Variants in FGD5 observed in about 807,000 individuals in gnomAD.
FGD5 encodes FYVE, RhoGEF and PH domain-containing protein 5.
Under a neutral mutation model 133.4 loss-of-function variants are expected in FGD5, and 28 were observed. The observed-to-expected ratio is 0.21, with a 90% CI of 0.16 to 0.29. The LOEUF (loss-of-function observed/expected upper bound fraction) is 0.29, where lower values mean the gene tolerates loss of function less well. FGD5 is among the 10% of genes least tolerant of loss of function. The pLI, the probability that FGD5 is intolerant of heterozygous loss-of-function variation, is 1.00. For missense variants in FGD5, 1,858 were observed against 1,895.2 expected (o/e 0.98, Z 0.36); for synonymous variants, 810 against 776.5 (o/e 1.04, Z -0.72).
chr3:14,827,194 G>T (rs1575190864), intron 1 of FGD5, among the ~76,000 whole-genome samples: 1 of 151,724 alleles, frequency 6.6e-6, no homozygotes, highest in Non-Finnish European at 1.5e-5. Context: ...ACCAAGGTCA[G>T]AACCCAAGTC....
chr3:14,872,373 A>T (rs902048131), intron 2 of FGD5, among the ~76,000 whole-genome samples: 8 of 152,322 alleles, frequency 5.3e-5, no homozygotes, highest in Admixed American at 1.3e-4. Context: ...TTTGGAGAAG[A>T]GACTTTATTT....
chr3:14,905,293 C>T (rs1254465955), intron 9 of FGD5, among the ~76,000 whole-genome samples: 1 of 152,022 alleles, frequency 6.6e-6, no homozygotes, highest in Non-Finnish European at 1.5e-5. Context: ...TCTCTGGCTG[C>T]CTTTAAGATC....
rs757632360 is a variant in FGD5 at position 14,820,660 on chromosome 3, C to T, written c.1589C>T (p.Pro530Leu). 4 of 1,599,156 alleles carry T rather than the reference C, an allele frequency of 2.5e-6. No individual in the cohort carries two copies. In the Admixed American group the frequency reaches 5.2e-5, roughly 21 times the overall value. ...ACGCTTTTGTCATTGGAGGGGAAGC[C>T]CTTGGAAGCCAGCAGGGCCTTGCCA... ...GKTLLSLEGKPLEASRALPAK... is the reference protein window; with the variant it reads ...GKTLLSLEGKLLEASRALPAK... Residue 530 changes from proline to leucine, a missense_variant, in exon 1 of 20, where the codon CCC (proline) becomes CTC (leucine). Pro to Leu is a moderately conservative substitution (Grantham distance 98). Transcript: ENST00000285046.
intron 4 of FGD5, among the ~76,000 whole-genome samples, chr3:14,886,772 T>C (rs1172093023): frequency 2.6e-5 from 4 of 152,268 alleles, no homozygotes; most frequent in Non-Finnish European, 5.9e-5. Flanking sequence ...TGTGATTTCT[T>C]CTTTGACCCA....
chr3:14,933,102 C>T (rs1250279140), intron 19 of FGD5, 29 bp from the exon 20 acceptor site: 1 of 1,611,070 alleles, frequency 6.2e-7, no homozygotes, highest in South Asian at 1.1e-5. Context: ...AGCCGCAAAA[C>T]CAAATGTCCT....
chr3:14,880,558 C>A lies in FGD5; in HGVS notation c.2659-14C>A. 1.2e-6 allele frequency: 2 copies of A among 1,613,124 alleles called. No individual in the cohort carries two copies. Reference sequence around the variant, plus strand: ...GATGCCTGTCCCACCTGATTGCTCTCTTTCCTCCCACAGGTGGAAGGACAG... The same window carrying A: ...GATGCCTGTCCCACCTGATTGCTCTATTTCCTCCCACAGGTGGAAGGACAG... On this transcript the variant is annotated splice_polypyrimidine_tract_variant and intron_variant, in intron 2 of 19. Transcript: ENST00000285046.
At chr3:14,881,250 A>C (rs2037819827) in intron 4 of FGD5, among the ~76,000 whole-genome samples, 1 of 151,974 alleles carries the variant, frequency 6.6e-6, no homozygotes, top group Non-Finnish European at 1.5e-5. Flanking sequence ...GCTGGTGGTG[A>C]GGGGCTCCTT....
At chr3:14,918,928 G>T (rs1406782516) in intron 13 of FGD5, 95 bp downstream of exon 13, 4 of 1,351,146 alleles carry the variant, frequency 3.0e-6, no homozygotes, top group South Asian at 2.4e-5. Flanking sequence ...TTTTATTTTG[G>T]TATCCTTCTG....
intron 16 of FGD5, 160 bp downstream of exon 16, chr3:14,923,335 C>A: frequency 1.0e-6 from 1 of 987,506 alleles, no homozygotes; most frequent in Non-Finnish European, 1.4e-6. Context: ...GCACCATTTT[C>A]CAATATGTGG....
chr3:14,857,610 T>A (rs1005525556), intron 1 of FGD5, among the ~76,000 whole-genome samples: 3 of 152,294 alleles, frequency 2.0e-5, no homozygotes, highest in Middle Eastern at 3.4e-3. Context: ...GAAACAGATA[T>A]GAAGTTGCCT....
At chr3:14,919,498 G>A (rs575718532) in intron 13 of FGD5, among the ~76,000 whole-genome samples, 25 of 152,266 alleles carry the variant, frequency 1.6e-4, no homozygotes, top group Admixed American at 7.9e-4. Flanking sequence ...GGCACCTGTA[G>A]TCGCAGCTAC....
rs372001341 is a variant in FGD5, at chr3:14,867,616, C to T, written c.2658+3356C>T. 3.2e-4 allele frequency among the ~76,000 whole-genome samples: 49 copies of T among 152,132 alleles called. No individual in the cohort carries two copies. In the East Asian group the frequency reaches 9.3e-3, roughly 29 times the overall value. On this transcript the variant is annotated intron_variant, in intron 2 of 19. Coordinates refer to ENST00000285046, the MANE Select transcript of FGD5 (RefSeq NM_152536.4). ...CTGGCCACCCTTGGTGCCCAGAGCT[C>T]CCCAACCACGGAACCACTGTGGAGA...
chr3:14,848,247 C>T (rs1452690883), intron 1 of FGD5, among the ~76,000 whole-genome samples: 2 of 152,134 alleles, frequency 1.3e-5, no homozygotes, highest in African/African-American at 4.8e-5. Flanking sequence ...AGTCCCACTT[C>T]CTGGGCAGCC....
intron 11 of FGD5, among the ~76,000 whole-genome samples, chr3:14,912,981 A>G (rs2038480009): frequency 6.6e-6 from 1 of 152,234 alleles, no homozygotes; most frequent in African/African-American, 2.4e-5. Flanking sequence ...GGTTGCAGTG[A>G]GCTCAGATTG....
chr3:14,874,082 T>C (rs2037668833), intron 2 of FGD5, among the ~76,000 whole-genome samples: 1 of 147,642 alleles, frequency 6.8e-6, no homozygotes, highest in African/African-American at 2.5e-5. Context: ...GGTCTGTGTA[T>C]ACAATGGAAT....
At chr3:14,902,359 A>G (rs1240144350) in intron 9 of FGD5, among the ~76,000 whole-genome samples, 1 of 150,348 alleles carries the variant, frequency 6.7e-6, no homozygotes, top group East Asian at 1.9e-4. Context: ...AGGCAGAGAG[A>G]GAAAAGGGGT....
Position 14,832,155 on chromosome 3 carries a change from C to T in FGD5, c.2525+10559C>T, listed in dbSNP as rs144880252. Among the ~76,000 whole-genome samples, 73 of 152,228 alleles carry T rather than the reference C, an allele frequency of 4.8e-4. No homozygotes were observed. In the Middle Eastern group the frequency reaches 0.01, roughly 21 times the overall value. On this transcript the variant is annotated intron_variant, in intron 1 of 19. Coordinates refer to ENST00000285046, the MANE Select transcript of FGD5 (RefSeq NM_152536.4). ...CGACGGTCTCTTCATCACTGAGCACCGTGAGGAGTCTGAGAGATAATGCAG... is the reference window on the plus strand; with the variant it reads ...CGACGGTCTCTTCATCACTGAGCACTGTGAGGAGTCTGAGAGATAATGCAG...
At chr3:14,918,890 T>G in intron 13 of FGD5, 57 bp downstream of exon 13, 1 of 1,580,356 alleles carries the variant, frequency 6.3e-7, no homozygotes, top group Non-Finnish European at 8.7e-7. Context: ...CATGGGAAGG[T>G]TCAGAACAAC....
Position 14,898,787 on chromosome 3 carries a change from G to A in FGD5, c.3115G>A (p.Val1039Met). 6.3e-7 allele frequency: 1 copy of A among 1,584,636 alleles called. No homozygotes were observed. The highest frequency in any genetic ancestry group is 8.6e-7 in the Non-Finnish European group (1 of 1,166,230). ...SQTAKHRLLR[V>M]VQRLFQYQVL... Reference sequence around the variant, plus strand: ...GACTGCGAAGCATCGGCTGCTGCGGGTGGTTCAACGCCTCTTCCAGTACCA... The same window carrying A: ...GACTGCGAAGCATCGGCTGCTGCGGATGGTTCAACGCCTCTTCCAGTACCA... The change falls in exon 7 of 20, where the codon GTG (valine) becomes ATG (methionine). Residue 1039 changes from valine to methionine, a missense_variant. Coordinates refer to ENST00000285046, the MANE Select transcript of FGD5 (RefSeq NM_152536.4).
Sources: allele counts gnomAD v4.1 joint callset (sites outside exome capture counted in the v4.1 genomes callset), GRCh38; gene constraint gnomAD v4.1.1; transcripts MANE v1.5; gene names NCBI Gene and HGNC (gene_info 2026-07-23, HGNC 2026-07-21).